WASF3: variants seen among roughly 807,000 people sequenced by gnomAD.
WASF3 encodes WASP family member 3.
WASF3 carries 11 observed loss-of-function variants against 46.6 expected under a neutral mutation model. The observed-to-expected ratio is 0.24, with a 90% CI of 0.15 to 0.39. The LOEUF (loss-of-function observed/expected upper bound fraction) is 0.39. Ranked by LOEUF, WASF3 falls within the 10% of genes least tolerant of loss-of-function variation. The probability of loss-of-function intolerance (pLI) is 1.00; values close to 1 mark genes in which losing one functional copy is unlikely to be tolerated. For missense variants in WASF3, 576 were observed against 669.8 expected, an observed-to-expected ratio of 0.86 and a Z score of 1.55; for synonymous variants, 242 against 259.7, an observed-to-expected ratio of 0.93 and a Z score of 0.65.
intron 2 of WASF3, chr13:26,638,033 G>C (rs1284524095): frequency 6.6e-6 from 1 of 152,416 alleles, no homozygotes; most frequent in South Asian, 2.1e-4. Flanking sequence ...CCTGACCCTT[G>C]CAGTGGGGAG....
chr13:26,676,919 T>C (rs1433616562), intron 7 of WASF3, among the ~76,000 whole-genome samples, 195 bp downstream of exon 7: 3 of 152,234 alleles, frequency 2.0e-5, no homozygotes, highest in Non-Finnish European at 4.4e-5. Flanking sequence ...TTACATTGGG[T>C]TCCTTTGATT....
chr13:26,602,739 T>C (rs1384962343), intron 1 of WASF3, among the ~76,000 whole-genome samples: 2 of 152,116 alleles, frequency 1.3e-5, no homozygotes, highest in Non-Finnish European at 2.9e-5. Context: ...TTTTGAAATA[T>C]AGTTTGATTT....
chr13:26,666,240 CCAAT>C (rs1381048117), intron 4 of WASF3, among the ~76,000 whole-genome samples: 1 of 152,116 alleles, frequency 6.6e-6, no homozygotes, highest in Non-Finnish European at 1.5e-5. Flanking sequence ...ACATTTTAAA[CCAAT>C]CATTCACGTT....
chr13:26,577,199 C>T, intron 1 of WASF3: 2 of 744,134 alleles, frequency 2.7e-6, no homozygotes, highest in Non-Finnish European at 4.9e-6. Context: ...TGGATCTTAC[C>T]TGTGACAAAA....
chr13:26,639,319 G>C (rs1881923559), intron 2 of WASF3, among the ~76,000 whole-genome samples: 1 of 152,142 alleles, frequency 6.6e-6, no homozygotes, highest in Non-Finnish European at 1.5e-5. Context: ...TGAAGGCTGG[G>C]GATTAATTAG....
chr13:26,624,197 A>C (rs1881396338), intron 2 of WASF3, among the ~76,000 whole-genome samples: 1 of 152,246 alleles, frequency 6.6e-6, no homozygotes, highest in African/African-American at 2.4e-5. Flanking sequence ...ACTTAAAAAT[A>C]ACTGTGATTA....
At chr13:26,635,273 T>C (rs1881782999) in intron 2 of WASF3, among the ~76,000 whole-genome samples, 1 of 152,224 alleles carries the variant, frequency 6.6e-6, no homozygotes, top group African/African-American at 2.4e-5. Context: ...TTCACTTGAT[T>C]GAATCAGCTA....
intron 2 of WASF3, among the ~76,000 whole-genome samples, chr13:26,633,448 C>T (rs899665750): frequency 6.6e-6 from 1 of 152,090 alleles, no homozygotes; most frequent in Non-Finnish European, 1.5e-5. Flanking sequence ...AGGTGATCTG[C>T]CCACCTCGGC....
At chr13:26,680,925 T>A in intron 7 of WASF3, 129 bp from the exon 8 acceptor site, 2 of 1,183,216 alleles carry the variant, frequency 1.7e-6, no homozygotes, top group African/African-American at 1.5e-5. Context: ...ACCTAGTTGA[T>A]AGTAAAGCAA....
chr13:26,544,360 A>T, the WASF3 span, among the ~76,000 whole-genome samples: 3 of 152,194 alleles, frequency 2.0e-5, no homozygotes, highest in Non-Finnish European at 4.4e-5. Context: ...GAAGGCCCAA[A>T]TCGGTTTTAT....
At chr13:26,626,496 C>T (rs909654812) in intron 2 of WASF3, among the ~76,000 whole-genome samples, 1 of 152,168 alleles carries the variant, frequency 6.6e-6, no homozygotes, top group Non-Finnish European at 1.5e-5. Flanking sequence ...TTTGGCCAAG[C>T]AAAGAATCTT....
At chr13:26,655,766 G>C (rs1882447538) in intron 3 of WASF3, among the ~76,000 whole-genome samples, 2 of 152,070 alleles carry the variant, frequency 1.3e-5, no homozygotes, top group African/African-American at 4.8e-5. Context: ...TTATTCTGTG[G>C]TTTATAATCC....
At chr13:26,629,353 G>C (rs373306935) in intron 2 of WASF3, among the ~76,000 whole-genome samples, 27 of 149,514 alleles carry the variant, frequency 1.8e-4, no homozygotes, top group African/African-American at 5.6e-4. Flanking sequence ...TTTTATTTCA[G>C]TACCTTGACC....
At chr13:26,643,191 TC>T (rs1882051785) in intron 3 of WASF3, among the ~76,000 whole-genome samples, 1 of 152,198 alleles carries the variant, frequency 6.6e-6, no homozygotes, top group South Asian at 2.1e-4. Flanking sequence ...GATCTTGTTT[TC>T]TCACTTCATC....
chr13:26,587,322 C>T (rs1880160858), intron 1 of WASF3, among the ~76,000 whole-genome samples: 2 of 149,826 alleles, frequency 1.3e-5, no homozygotes, highest in Non-Finnish European at 3.0e-5. Flanking sequence ...GGTGGTGTAT[C>T]ATCAATCCAA....
intron 1 of WASF3, among the ~76,000 whole-genome samples, chr13:26,579,460 G>A (rs1172913073): frequency 2.0e-5 from 3 of 152,172 alleles, no homozygotes. Context: ...CTAGACACAT[G>A]TTAAGCTGAA....
At chr13:26,651,213 T>C (rs1882306899) in intron 3 of WASF3, among the ~76,000 whole-genome samples, 1 of 152,076 alleles carries the variant, frequency 6.6e-6, no homozygotes, top group Non-Finnish European at 1.5e-5. Flanking sequence ...TCTCAGCTAC[T>C]TGGGAGGCTG....
chr13:26,565,573 T>C lies in WASF3; in HGVS notation c.-109+7754T>C, dbSNP rs141201018. 7.9e-5 allele frequency among the ~76,000 whole-genome samples: 12 copies of C among 152,298 alleles called. No individual in the cohort carries two copies. In the East Asian group the frequency reaches 2.3e-3, roughly 29 times the overall value. ...TCTGTAGTATTTGTCATATATTGTT[T>C]AGAGTTAATCATCCTGGCTTTTGAT... On this transcript the variant is annotated intron_variant, in intron 1 of 9. Transcript: ENST00000335327.
intron 2 of WASF3, 183 bp from the exon 3 acceptor site, chr13:26,642,078 C>T: frequency 2.0e-6 from 1 of 501,768 alleles, no homozygotes; most frequent in Non-Finnish European, 3.4e-6. Flanking sequence ...ATACATGTAC[C>T]TTCAGGCTCT....
Sources: allele counts gnomAD v4.1 joint callset (sites outside exome capture counted in the v4.1 genomes callset), GRCh38; gene constraint gnomAD v4.1.1; transcripts MANE v1.5; gene names NCBI Gene and HGNC (gene_info 2026-07-23, HGNC 2026-07-21).